TMC1: variants seen among roughly 807,000 people sequenced by gnomAD.
The protein encoded by TMC1 is transmembrane channel like 1.
In TMC1, 84 loss-of-function variants were observed where a neutral mutation model predicts 105.8. That is an observed-to-expected ratio of 0.79 (90% CI 0.67 to 0.95). The LOEUF (loss-of-function observed/expected upper bound fraction) is 0.95, where lower values mean the gene tolerates loss of function less well. Among genes scored for constraint, TMC1 ranks in the 40% least tolerant of loss-of-function variants. The pLI, the probability that TMC1 is intolerant of heterozygous loss-of-function variation, is 0.00. For missense variants in TMC1, 817 were observed against 914.1 expected, an observed-to-expected ratio of 0.89 and a Z score of 1.37; for synonymous variants, 315 against 311.5, an observed-to-expected ratio of 1.01 and a Z score of -0.12.
intron 1 of TMC1, among the ~76,000 whole-genome samples, chr9:72,565,070 A>C (rs1239483362): frequency 6.6e-6 from 1 of 152,196 alleles, no homozygotes; most frequent in Non-Finnish European, 1.5e-5. Flanking sequence ...ACTTAGGAAA[A>C]AGAAGTGATT....
At chr9:72,674,002 C>G (rs138415279) in intron 5 of TMC1, among the ~76,000 whole-genome samples, 2 of 151,878 alleles carry the variant, frequency 1.3e-5, no homozygotes, top group African/African-American at 4.8e-5. Flanking sequence ...AAGAAGCAAT[C>G]GGAAATTAAA....
chr9:72,608,160 A>G (rs1824956867), intron 2 of TMC1, among the ~76,000 whole-genome samples: 1 of 152,198 alleles, frequency 6.6e-6, no homozygotes, highest in African/African-American at 2.4e-5. Flanking sequence ...CATAAGAAGC[A>G]CAGAAAAAAG....
At chr9:72,708,519 T>C (rs1027445776) in intron 8 of TMC1, among the ~76,000 whole-genome samples, 2 of 151,910 alleles carry the variant, frequency 1.3e-5, no homozygotes, top group African/African-American at 4.8e-5. Flanking sequence ...TTTTTTTTTT[T>C]CCTGTGGCTA....
intron 8 of TMC1, among the ~76,000 whole-genome samples, chr9:72,712,253 A>G (rs1826849214): frequency 6.6e-6 from 1 of 151,778 alleles, no homozygotes; most frequent in African/African-American, 2.4e-5. Context: ...GCTATGCAGG[A>G]TATTTTTTGG....
At chr9:72,539,127 G>A (rs1823634272) in intron 1 of TMC1, among the ~76,000 whole-genome samples, 1 of 151,884 alleles carries the variant, frequency 6.6e-6, no homozygotes, top group African/African-American at 2.4e-5. Context: ...ATGCCTGTGA[G>A]AGGCAGGCAC....
At chr9:72,666,141 C>T (rs1388209367) in intron 5 of TMC1, among the ~76,000 whole-genome samples, 1 of 152,124 alleles carries the variant, frequency 6.6e-6, no homozygotes, top group Non-Finnish European at 1.5e-5. Context: ...TGAGGCCAGG[C>T]AGCGTGGCTT....
chr9:72,798,336 A>G (rs1828408453), intron 17 of TMC1, among the ~76,000 whole-genome samples: 1 of 152,316 alleles, frequency 6.6e-6, no homozygotes, highest in African/African-American at 2.4e-5. Context: ...AAGCAGAACT[A>G]TCATTCAACC....
At chr9:72,797,001 A>C (rs911316570) in intron 17 of TMC1, among the ~76,000 whole-genome samples, 5 of 152,154 alleles carry the variant, frequency 3.3e-5, no homozygotes, top group Non-Finnish European at 7.4e-5. Context: ...AAGCTTCTTA[A>C]GCGGATAAGC....
chr9:72,788,405 CTT>C lies in TMC1; in HGVS notation c.953_954del (p.Phe318TyrfsTer11), dbSNP rs1314620224. The C allele has an allele frequency of 2.5e-6, 4 of 1,613,704 alleles. No individual in the cohort carries two copies. Among genetic ancestry groups the C allele is most frequent in the Non-Finnish European group, 3.4e-6 (4 of 1,179,756 alleles). On this transcript the variant is annotated frameshift_variant, in exon 14 of 24. Coordinates refer to ENST00000297784, the MANE Select transcript of TMC1 (RefSeq NM_138691.3). LOFTEE classifies it high-confidence loss of function. ...DNTFNFSWKV[F>X]TSWDYLIGNP... ...ACACTTTCAATTTCAGCTGGAAGGT[CTT>C]TACCAGCTGGGACTACCTGATCGGC... is the stretch of plus-strand genomic sequence containing the variant.
intron 1 of TMC1, among the ~76,000 whole-genome samples, chr9:72,564,683 A>T (rs183789854): frequency 2.0e-5 from 3 of 152,320 alleles, no homozygotes; most frequent in African/African-American, 7.2e-5. Flanking sequence ...CTAGACATTT[A>T]GTGGGGGACA....
At chr9:72,726,335 T>C (rs1827125828) in intron 8 of TMC1, among the ~76,000 whole-genome samples, 1 of 152,228 alleles carries the variant, frequency 6.6e-6, no homozygotes, top group South Asian at 2.1e-4. Context: ...CATATCTACA[T>C]AATGATACAT....
rs762312031 is a variant in TMC1 at position 72,772,560 on chromosome 9, G to A, written c.884+5G>A. 6 of 1,613,782 alleles carry A rather than the reference G, an allele frequency of 3.7e-6. No individual in the cohort carries two copies. The highest frequency in any genetic ancestry group is 1.3e-5 in the African/African-American group (1 of 75,032). Reference sequence around the variant, plus strand: ...CTTTCTGGTTGTCCTCAAAGCGTAAGTTTCATTTGTCTTTTGGGAAGCAAA... The same window carrying A: ...CTTTCTGGTTGTCCTCAAAGCGTAAATTTCATTTGTCTTTTGGGAAGCAAA... On this transcript the variant is annotated splice_donor_5th_base_variant and intron_variant, in intron 13 of 23. Transcript: ENST00000297784.
At chr9:72,740,348 C>A in intron 9 of TMC1, 139 bp downstream of exon 9, 2 of 657,926 alleles carry the variant, frequency 3.0e-6, no homozygotes, top group South Asian at 2.2e-5. Flanking sequence ...CACAGTATAT[C>A]TGTGGTATTG....
intron 5 of TMC1, among the ~76,000 whole-genome samples, chr9:72,648,884 A>C (rs747422823): frequency 1.2e-4 from 18 of 152,136 alleles, no homozygotes; most frequent in Non-Finnish European, 2.2e-4. Flanking sequence ...GAATGATTTC[A>C]CCAACTGGTA....
intron 19 of TMC1, among the ~76,000 whole-genome samples, chr9:72,816,482 A>G (rs1208958102): frequency 6.6e-6 from 1 of 152,186 alleles, no homozygotes; most frequent in Non-Finnish European, 1.5e-5. Context: ...CTATATTTTT[A>G]TATTTTGTGA....
At chr9:72,668,814 C>A (rs547341147) in intron 5 of TMC1, among the ~76,000 whole-genome samples, 2 of 152,098 alleles carry the variant, frequency 1.3e-5, no homozygotes, top group South Asian at 4.1e-4. Context: ...ATAATCCAGG[C>A]CTTCTTCATA....
intron 13 of TMC1, among the ~76,000 whole-genome samples, chr9:72,785,755 G>A (rs181444422): frequency 8.7e-4 from 132 of 152,230 alleles, no homozygotes; most frequent in African/African-American, 2.9e-3. Context: ...CACAGTACTC[G>A]AAACATCATA....
chr9:72,685,637 T>G lies in TMC1; in HGVS notation c.17-3072T>G, dbSNP rs550252582. Among the ~76,000 whole-genome samples the G allele has an allele frequency of 3.8e-4, 58 of 150,926 alleles. 2 individuals carry two copies. The highest frequency in any genetic ancestry group is 1.4e-3 in the African/African-American group (55 of 40,264). ...CCTCAGCCTCCCAAAGTGCTGGGAT[T>G]ACAGGCGTGAGCCACTGCGCCTGGC... is the stretch of plus-strand genomic sequence containing the variant. On this transcript the variant is annotated intron_variant, in intron 5 of 23. Coordinates refer to ENST00000297784, the MANE Select transcript of TMC1 (RefSeq NM_138691.3).
chr9:72,538,085 G>A (rs1432070563), intron 1 of TMC1, among the ~76,000 whole-genome samples: 1 of 151,566 alleles, frequency 6.6e-6, no homozygotes, highest in Non-Finnish European at 1.5e-5. Context: ...GAGCCCAGGA[G>A]GCAGAGGTTG....
Sources: allele counts gnomAD v4.1 joint callset (sites outside exome capture counted in the v4.1 genomes callset), GRCh38; gene constraint gnomAD v4.1.1; transcripts MANE v1.5; gene names NCBI Gene and HGNC (gene_info 2026-07-23, HGNC 2026-07-21).